Variants in KCNJ3 observed in about 807,000 individuals in gnomAD.
KCNJ3 encodes the protein potassium inwardly rectifying channel subfamily J member 3, also known as G protein-activated inward rectifier potassium channel 1.
Under a neutral mutation model 39.2 loss-of-function variants are expected in KCNJ3, and 4 were observed. The ratio of observed to expected loss-of-function variants is 0.10; its 90% CI spans 0.05 to 0.23. The LOEUF (loss-of-function observed/expected upper bound fraction) is 0.23, where lower values mean the gene tolerates loss of function less well. Among genes scored for constraint, KCNJ3 ranks in the 10% least tolerant of loss-of-function variants. The pLI, the probability that KCNJ3 is intolerant of heterozygous loss-of-function variation, is 1.00. For synonymous variants in KCNJ3, 230 were observed against 237.4 expected (o/e 0.97, Z 0.29); for missense variants, 276 against 634.9 (o/e 0.43, Z 6.08).
Position 154,837,713 on chromosome 2 carries a change from A to C in KCNJ3, c.920-17014A>C, listed in dbSNP as rs536232331. On this transcript the variant is annotated intron_variant, in intron 2 of 2. Transcript: ENST00000295101. ...TAAGGTATATAAGAGCTCGCTTAAGAAGCTTACTGTAATCTGAAATGTGTC... is the reference window on the plus strand; with the variant it reads ...TAAGGTATATAAGAGCTCGCTTAAGCAGCTTACTGTAATCTGAAATGTGTC... 3.7e-4 allele frequency among the ~76,000 whole-genome samples: 56 copies of C among 152,290 alleles called. 1 individual carries two copies. The South Asian group carries it at 0.011, about 29-fold the overall frequency.
intron 2 of KCNJ3, among the ~76,000 whole-genome samples, chr2:154,840,157 C>T (rs958508854): frequency 1.3e-5 from 2 of 152,174 alleles, no homozygotes; most frequent in African/African-American, 4.8e-5. Context: ...CTACATATGG[C>T]TAGCCAGTTT....
At chr2:154,726,760 A>T (rs987128977) in intron 2 of KCNJ3, among the ~76,000 whole-genome samples, 1 of 119,320 alleles carries the variant, frequency 8.4e-6, no homozygotes, top group Admixed American at 8.7e-5. Context: ...GTGTATATAT[A>T]TATACACACA....
chr2:154,730,219 G>C (rs887531554), intron 2 of KCNJ3, among the ~76,000 whole-genome samples: 22 of 152,006 alleles, frequency 1.4e-4, no homozygotes, highest in Middle Eastern at 3.4e-3. Context: ...CCATTGCATT[G>C]GTCAGAACAA....
At position 154,814,191 on chromosome 2, in the gene KCNJ3, C is replaced by G. The variant is rs1687044788; in HGVS notation, c.920-40536C>G. On this transcript the variant is annotated intron_variant, in intron 2 of 2. Coordinates refer to ENST00000295101, the MANE Select transcript of KCNJ3 (RefSeq NM_002239.4). ...TTTAGTAACTAATTTTGTTGTTCAC[C>G]TAACTGTGTGACTTTTGACATAAGG... is the stretch of plus-strand genomic sequence containing the variant. Among the ~76,000 whole-genome samples, 3 of 152,144 alleles carry G rather than the reference C, an allele frequency of 2.0e-5. No homozygotes were observed. The South Asian group carries it at 6.2e-4, about 31-fold the overall frequency.
At chr2:154,749,929 A>G (rs911488614) in intron 2 of KCNJ3, among the ~76,000 whole-genome samples, 3 of 151,896 alleles carry the variant, frequency 2.0e-5, no homozygotes, top group Non-Finnish European at 4.4e-5. Context: ...CCTATCTCCA[A>G]ACTAGCTGAT....
chr2:154,748,638 A>C (rs1327599006), intron 2 of KCNJ3, among the ~76,000 whole-genome samples: 1 of 152,102 alleles, frequency 6.6e-6, no homozygotes, highest in East Asian at 1.9e-4. Context: ...TATCAGTCAT[A>C]CATCAATTGA....
intron 2 of KCNJ3, among the ~76,000 whole-genome samples, chr2:154,713,981 A>G (rs148758661): frequency 6.6e-6 from 1 of 152,188 alleles, no homozygotes; most frequent in Non-Finnish European, 1.5e-5. Flanking sequence ...CTCTCCACCT[A>G]GTCTATTAAA....
chr2:154,754,404 G>A (rs1458287752), intron 2 of KCNJ3, among the ~76,000 whole-genome samples: 1 of 152,072 alleles, frequency 6.6e-6, no homozygotes, highest in Non-Finnish European at 1.5e-5. Context: ...CTCCCGAGTA[G>A]CTGGGATTCC....
rs977645196 is a variant in KCNJ3, at chr2:154,856,155, T to C, written c.*842T>C. 2.0e-4 allele frequency: 31 copies of C among 152,618 alleles called. No homozygotes were observed. The highest frequency in any genetic ancestry group is 7.5e-4 in the African/African-American group (31 of 41,454). 9.5% of individuals were successfully genotyped at this position (152,618 alleles called of 1,614,324 possible). On this transcript the variant is annotated 3_prime_UTR_variant, in exon 3 of 3. Coordinates refer to ENST00000295101, the MANE Select transcript of KCNJ3 (RefSeq NM_002239.4). ...TGCTAGTACTGGGGAGAAATAATTG[T>C]TGATTAATTTGAGAATTATTCCTTT...
intron 2 of KCNJ3, among the ~76,000 whole-genome samples, chr2:154,762,682 T>C (rs1205010959): frequency 7.6e-6 from 1 of 131,768 alleles, no homozygotes; most frequent in Non-Finnish European, 1.8e-5. Context: ...TCTCAAATTA[T>C]ATACAAAATA....
chr2:154,751,837 C>A, intron 2 of KCNJ3, among the ~76,000 whole-genome samples: 1 of 151,940 alleles, frequency 6.6e-6, no homozygotes, highest in East Asian at 1.9e-4. Flanking sequence ...TCTTCACATA[C>A]TTTTCCTTCT....
At chr2:154,709,422 G>A (rs377577071) in intron 1 of KCNJ3, 181 bp from the exon 2 acceptor site, 69 of 612,792 alleles carry the variant, frequency 1.1e-4, no homozygotes, top group East Asian at 8.9e-4. Flanking sequence ...TGTATGTTCC[G>A]CATGAGCTAT....
chr2:154,849,559 A>AAGTT (rs1230398993), intron 2 of KCNJ3, among the ~76,000 whole-genome samples: 1 of 152,066 alleles, frequency 6.6e-6, no homozygotes, highest in Non-Finnish European at 1.5e-5. Context: ...CCATGTTCAG[A>AAGTT]AGTTATTGAT....
chr2:154,736,616 G>GA (rs568181316), intron 2 of KCNJ3, among the ~76,000 whole-genome samples: 153 of 152,176 alleles, frequency 1.0e-3, no homozygotes, highest in African/African-American at 3.4e-3. Context: ...AAAGAGCAAC[G>GA]AATGTGGGGA....
intron 2 of KCNJ3, among the ~76,000 whole-genome samples, chr2:154,783,649 A>G (rs1255539743): frequency 6.6e-6 from 1 of 152,218 alleles, no homozygotes; most frequent in African/African-American, 2.4e-5. Context: ...TTTATGGAAG[A>G]GAAACCAAGG....
At chr2:154,840,254 GT>G (rs1343488666) in intron 2 of KCNJ3, among the ~76,000 whole-genome samples, 1 of 152,116 alleles carries the variant, frequency 6.6e-6, no homozygotes, top group Non-Finnish European at 1.5e-5. Context: ...GGTTGTAGAT[GT>G]GTGGTGTTAT....
intron 2 of KCNJ3, among the ~76,000 whole-genome samples, chr2:154,741,641 C>T (rs1040424962): frequency 2.6e-5 from 4 of 151,754 alleles, no homozygotes; most frequent in Non-Finnish European, 5.9e-5. Flanking sequence ...TCTGGAAAAT[C>T]GTGGCTGAAA....
At chr2:154,811,818 G>T (rs551689715) in intron 2 of KCNJ3, among the ~76,000 whole-genome samples, 17 of 152,262 alleles carry the variant, frequency 1.1e-4, no homozygotes, top group African/African-American at 3.9e-4. Context: ...TAGCAGAGAT[G>T]GGTGGTATTT....
chr2:154,791,400 C>T (rs556553825), intron 2 of KCNJ3, among the ~76,000 whole-genome samples: 1 of 152,008 alleles, frequency 6.6e-6, no homozygotes, highest in Non-Finnish European at 1.5e-5. Context: ...AAGCTGGTTA[C>T]ATGTGCTTTA....
Sources: allele counts gnomAD v4.1 joint callset (sites outside exome capture counted in the v4.1 genomes callset), GRCh38; gene constraint gnomAD v4.1.1; transcripts MANE v1.5; gene names NCBI Gene and HGNC (gene_info 2026-07-23, HGNC 2026-07-21).